The following DNER variants were observed in gnomAD, a reference collection of about 807,000 sequenced individuals.
DNER encodes the protein delta/notch like EGF repeat containing, also known as delta and Notch-like epidermal growth factor-related receptor.
In DNER, 33 loss-of-function variants were observed where a neutral mutation model predicts 78.2. That is an observed-to-expected ratio of 0.42 (90% CI 0.32 to 0.56). DNER has a LOEUF of 0.56. Among genes scored for constraint, DNER ranks in the 20% least tolerant of loss-of-function variants. The pLI is 0.11. For missense variants in DNER, 918 were observed against 975.3 expected, an observed-to-expected ratio of 0.94 and a Z score of 0.78; for synonymous variants, 417 against 384.8, an observed-to-expected ratio of 1.08 and a Z score of -0.98.
chr2:229,617,412 T>TAATTTTGAA (rs773347298), intron 1 of DNER, among the ~76,000 whole-genome samples: 1 of 152,212 alleles, frequency 6.6e-6, no homozygotes, highest in Non-Finnish European at 1.5e-5. Flanking sequence ...AATGAAATAT[T>TAATTTTGAA]AATTATAATT....
At chr2:229,684,759 T>A (rs1699456261) in intron 1 of DNER, among the ~76,000 whole-genome samples, 1 of 152,218 alleles carries the variant, frequency 6.6e-6, no homozygotes, top group East Asian at 1.9e-4. Flanking sequence ...TCTACCATAA[T>A]CTGCGGTATA....
chr2:229,649,528 A>T (rs181886502), intron 1 of DNER, among the ~76,000 whole-genome samples: 1 of 152,184 alleles, frequency 6.6e-6, no homozygotes, highest in Non-Finnish European at 1.5e-5. Context: ...TCAGCTACCA[A>T]TACGATGTCA....
chr2:229,682,117 C>G (rs754642941), intron 1 of DNER, among the ~76,000 whole-genome samples: 1 of 152,120 alleles, frequency 6.6e-6, no homozygotes, highest in South Asian at 2.1e-4. Context: ...AGCCTGAAGG[C>G]CACCGCTGAA....
chr2:229,508,524 T>C (rs969989314), intron 6 of DNER, among the ~76,000 whole-genome samples: 3 of 152,184 alleles, frequency 2.0e-5, no homozygotes, highest in Admixed American at 2.0e-4. Flanking sequence ...ATACCATTTT[T>C]ATAAATTTTA....
intron 5 of DNER, among the ~76,000 whole-genome samples, chr2:229,531,392 A>AT (rs1298843155): frequency 1.3e-5 from 2 of 152,162 alleles, no homozygotes; most frequent in African/African-American, 4.8e-5. Flanking sequence ...CACCTATAAT[A>AT]TTTTTTTCAT....
chr2:229,634,876 C>T (rs1698501681), intron 1 of DNER, among the ~76,000 whole-genome samples: 1 of 152,188 alleles, frequency 6.6e-6, no homozygotes, highest in African/African-American at 2.4e-5. Context: ...TTTCCCCCCA[C>T]CAATGGAAAC....
At position 229,407,324 on chromosome 2, in the gene DNER, T is replaced by C. The variant is rs1279652783; in HGVS notation, c.1631A>G (p.Lys544Arg). ...EYKGTHCELY[K>R]DPCANVSCLN... Reference sequence around the variant, plus strand: ...ACAGCTGACGTTAGCGCAGGGATCCTTGTACAATTCACAGTGTGTTCCTGC... The same window carrying C: ...ACAGCTGACGTTAGCGCAGGGATCCCTGTACAATTCACAGTGTGTTCCTGC... The change falls in exon 10 of 13, where the codon AAG becomes AGG. Residue 544 changes from lysine to arginine, a missense_variant. Coordinates refer to ENST00000341772, the MANE Select transcript of DNER (RefSeq NM_139072.4). 1.2e-6 allele frequency: 2 copies of C among 1,613,784 alleles called. No individual in the cohort carries two copies. The highest frequency in any genetic ancestry group is 8.5e-7 in the Non-Finnish European group (1 of 1,179,732).
chr2:229,478,795 A>ATT (rs201776869), intron 6 of DNER, among the ~76,000 whole-genome samples: 2 of 151,174 alleles, frequency 1.3e-5, no homozygotes, highest in African/African-American at 2.4e-5. Context: ...GAATCACCCT[A>ATT]TTTTTTTTTA....
At chr2:229,451,272 C>A (rs567695100) in intron 7 of DNER, among the ~76,000 whole-genome samples, 1 of 152,154 alleles carries the variant, frequency 6.6e-6, no homozygotes, top group Non-Finnish European at 1.5e-5. Flanking sequence ...GCCTGGCCAA[C>A]GTGGTGAAAT....
Position 229,608,021 on chromosome 2 carries a change from C to CAAAA in DNER, c.277-16137_277-16134dup, listed in dbSNP as rs57795249. Among the ~76,000 whole-genome samples the CAAAA allele has an allele frequency of 5.9e-3, 507 of 85,616 alleles. 18 individuals are homozygous for CAAAA. Among genetic ancestry groups the CAAAA allele is most frequent in the Non-Finnish European group, 8.9e-3 (410 of 45,918 alleles). 56.2% of individuals were successfully genotyped at this position (85,616 alleles called of 152,430 possible). On this transcript the variant is annotated intron_variant, in intron 1 of 12. Coordinates refer to ENST00000341772, the MANE Select transcript of DNER (RefSeq NM_139072.4). Reference sequence around the variant, plus strand: ...TGGGTGACAGAGCGAAACTCTGTCTCAAAAAAAAAAAAAAAAAAAAAGTAG... The same window carrying CAAAA: ...TGGGTGACAGAGCGAAACTCTGTCTCAAAAAAAAAAAAAAAAAAAAAAAAAGTAG...
intron 11 of DNER, among the ~76,000 whole-genome samples, chr2:229,368,189 C>T (rs780195261): frequency 1.6e-4 from 25 of 152,044 alleles, no homozygotes; most frequent in Non-Finnish European, 3.2e-4. Context: ...ATGGCAAAAC[C>T]GTTTCTCTAC....
intron 11 of DNER, among the ~76,000 whole-genome samples, chr2:229,370,663 A>G (rs911208922): frequency 9.9e-5 from 15 of 152,218 alleles, no homozygotes; most frequent in African/African-American, 3.4e-4. Flanking sequence ...TCCAAGTATT[A>G]TAACATTCTC....
At chr2:229,694,591 G>T (rs527793613) in intron 1 of DNER, among the ~76,000 whole-genome samples, 1 of 152,226 alleles carries the variant, frequency 6.6e-6, no homozygotes, top group Non-Finnish European at 1.5e-5. Flanking sequence ...AGTCAAAGGA[G>T]ATCATTTTGG....
chr2:229,447,588 C>T (rs556846508), intron 7 of DNER, 48 bp from the exon 8 acceptor site: 34 of 1,560,686 alleles, frequency 2.2e-5, no homozygotes, highest in African/African-American at 2.7e-5. Context: ...CACATTTGCA[C>T]ATAATAACTA....
At chr2:229,520,589 G>A (rs1019744541) in intron 5 of DNER, among the ~76,000 whole-genome samples, 46 of 152,134 alleles carry the variant, frequency 3.0e-4, no homozygotes, top group African/African-American at 1.1e-3. Flanking sequence ...GTTTATATAT[G>A]TTTGAGATTT....
intron 4 of DNER, among the ~76,000 whole-genome samples, chr2:229,566,708 A>G (rs1697116293): frequency 6.6e-6 from 1 of 152,314 alleles, no homozygotes; most frequent in South Asian, 2.1e-4. Context: ...TAGAATCTGC[A>G]GTGATTCATA....
chr2:229,403,538 C>G (rs551534493), intron 10 of DNER, among the ~76,000 whole-genome samples: 45 of 152,214 alleles, frequency 3.0e-4, no homozygotes, highest in African/African-American at 9.9e-4. Context: ...ACAGCACAAC[C>G]CCTAAATGAC....
At chr2:229,704,178 T>C (rs530571546) in intron 1 of DNER, among the ~76,000 whole-genome samples, 1 of 152,294 alleles carries the variant, frequency 6.6e-6, no homozygotes, top group South Asian at 2.1e-4. Flanking sequence ...TTAGAATAGC[T>C]AAAACCTAAA....
intron 10 of DNER, among the ~76,000 whole-genome samples, chr2:229,398,954 A>G (rs1693207037): frequency 6.6e-6 from 1 of 152,018 alleles, no homozygotes; most frequent in Admixed American, 6.6e-5. Context: ...AAAAAAAAAC[A>G]CTACAGCTGA....
Sources: allele counts gnomAD v4.1 joint callset (sites outside exome capture counted in the v4.1 genomes callset), GRCh38; gene constraint gnomAD v4.1.1; transcripts MANE v1.5; gene names NCBI Gene and HGNC (gene_info 2026-07-23, HGNC 2026-07-21).